Variants in PTPRA observed in about 807,000 individuals in gnomAD.
PTPRA encodes the protein protein tyrosine phosphatase receptor type A.
In PTPRA, 25 loss-of-function variants were observed where a neutral mutation model predicts 104.8. The ratio of observed to expected loss-of-function variants is 0.24; its 90% CI spans 0.17 to 0.33. The LOEUF (loss-of-function observed/expected upper bound fraction) is 0.33, where lower values mean the gene tolerates loss of function less well. PTPRA is among the 10% of genes least tolerant of loss of function. The probability of loss-of-function intolerance (pLI) is 1.00; values close to 1 mark genes in which losing one functional copy is unlikely to be tolerated. For missense variants in PTPRA, 765 were observed against 1,015.3 expected (o/e 0.75, Z 3.35); for synonymous variants, 323 against 368.9 (o/e 0.88, Z 1.43).
intron 1 of PTPRA, among the ~76,000 whole-genome samples, chr20:2,884,312 A>G (rs1266426009): frequency 6.6e-6 from 1 of 152,124 alleles, no homozygotes; most frequent in Non-Finnish European, 1.5e-5. Flanking sequence ...GGGGCTGTCA[A>G]ACTGTTTTGT....
intron 6 of PTPRA, among the ~76,000 whole-genome samples, chr20:2,982,307 T>C (rs1012163738): frequency 1.3e-5 from 2 of 152,128 alleles, no homozygotes; most frequent in Non-Finnish European, 2.9e-5. Flanking sequence ...CAGGCTGGTC[T>C]TGAACTCCTG....
chr20:2,986,363 C>T (rs1419712941), intron 6 of PTPRA, among the ~76,000 whole-genome samples: 3 of 152,218 alleles, frequency 2.0e-5, no homozygotes. Flanking sequence ...GCATACCTAA[C>T]TTGCCATCAG....
At chr20:3,021,734 C>A (rs1341202224) in intron 14 of PTPRA, among the ~76,000 whole-genome samples, 1 of 152,210 alleles carries the variant, frequency 6.6e-6, no homozygotes, top group African/African-American at 2.4e-5. Context: ...TCCTCCTTTC[C>A]TACTCCAAAG....
intron 2 of PTPRA, among the ~76,000 whole-genome samples, chr20:2,927,832 A>G (rs1375849140): frequency 6.6e-6 from 1 of 152,114 alleles, no homozygotes; most frequent in Non-Finnish European, 1.5e-5. Context: ...CAACACGGCA[A>G]AACCCTGTCT....
chr20:2,876,321 C>G (rs530314382), intron 1 of PTPRA, among the ~76,000 whole-genome samples: 1 of 152,262 alleles, frequency 6.6e-6, no homozygotes, highest in Non-Finnish European at 1.5e-5. Flanking sequence ...TACCCTGGCC[C>G]CAAGTCTCCT....
At position 3,024,498 on chromosome 20, in the gene PTPRA, C is replaced by G; in HGVS notation, c.1491C>G (p.Ala497=). 1 of 1,613,774 alleles carries G rather than the reference C, an allele frequency of 6.2e-7. No individual in the cohort carries two copies. ...TDMQYVFIYQ[A]LLEHYLYGDT... ...TGCAGTATGTCTTCATATACCAAGCCCTTCTGGAGCATTATCTCTATGGAG... is the reference window on the plus strand; with the variant it reads ...TGCAGTATGTCTTCATATACCAAGCGCTTCTGGAGCATTATCTCTATGGAG... Residue 497 remains alanine (A), a synonymous_variant, in exon 17 of 24, where the codon GCC becomes GCG. Transcript: ENST00000399903.
In PTPRA at chr20:2,950,888, CACA is replaced by C. The variant is rs1036870369; in HGVS notation, c.-7+2869_-7+2871del. Among the ~76,000 whole-genome samples, 6 of 151,956 alleles carry C rather than the reference CACA, an allele frequency of 3.9e-5. No homozygotes were observed. Among genetic ancestry groups the C allele is most frequent in the South Asian group, 4.1e-4 (2 of 4,830 alleles). The stretch of plus-strand genomic sequence containing the variant: ...CATGTATATAGCAGGGAAATATCAC[CACA>C]ACAAGAGTGTGAACATATAATCTCT... On this transcript the variant is annotated intron_variant, in intron 3 of 23. Transcript: ENST00000399903. The surrounding 1 kb of genome is among the most constrained non-coding windows in gnomAD (Gnocchi z 4.0).
intron 1 of PTPRA, among the ~76,000 whole-genome samples, chr20:2,921,502 T>C (rs2060095786): frequency 6.6e-6 from 1 of 152,100 alleles, no homozygotes; most frequent in African/African-American, 2.4e-5. Flanking sequence ...AATAGATGGT[T>C]GTTATGGAAT....
In PTPRA at chr20:3,030,826, C is replaced by T. The variant is rs563925102; in HGVS notation, c.1920+2985C>T. ...TCAGCCTCCCGAGTAGCTGGGATTACAGGCATGCACTACCATGCCCAGCTA... is the reference window on the plus strand; with the variant it reads ...TCAGCCTCCCGAGTAGCTGGGATTATAGGCATGCACTACCATGCCCAGCTA... On this transcript the variant is annotated intron_variant, in intron 20 of 23. Coordinates refer to ENST00000399903, the MANE Select transcript of PTPRA (RefSeq NM_001385305.1). 6.6e-5 allele frequency among the ~76,000 whole-genome samples: 10 copies of T among 151,996 alleles called. No homozygotes were observed. The East Asian group carries it at 1.9e-3, about 29-fold the overall frequency.
chr20:2,914,012 T>G (rs996674272), intron 1 of PTPRA, among the ~76,000 whole-genome samples: 7 of 152,208 alleles, frequency 4.6e-5, no homozygotes, highest in African/African-American at 1.7e-4. Flanking sequence ...TTCTTCCCAT[T>G]TATTTAACTT....
chr20:2,897,463 C>G (rs984722556), intron 1 of PTPRA, among the ~76,000 whole-genome samples: 1 of 147,504 alleles, frequency 6.8e-6, no homozygotes, highest in South Asian at 2.2e-4. Context: ...TCTCGTCTCA[C>G]TGCAACCTCT....
intron 11 of PTPRA, 93 bp from the exon 12 acceptor site, chr20:3,015,755 AG>A: frequency 9.8e-7 from 1 of 1,019,324 alleles, no homozygotes. Context: ...GCACATTTTC[AG>A]GTTTTGTTAA....
chr20:3,024,548 T>C lies in PTPRA; in HGVS notation c.1541T>C (p.Leu514Pro). 1 of 1,614,038 alleles carries C rather than the reference T, an allele frequency of 6.2e-7. No individual in the cohort carries two copies. The highest frequency in any genetic ancestry group is 8.5e-7 in the Non-Finnish European group (1 of 1,179,922). The change falls in exon 17 of 24, where the codon CTA (leucine) becomes CCA (proline). Residue 514 changes from leucine to proline, a missense_variant. Physicochemically the swap from Leu to Pro is moderately conservative, Grantham distance 98 (BLOSUM62 -3). Around this residue, in one of 4 missense-constraint regions of PTPRA, gnomAD observed 192 missense variants for 227.0 expected, o/e 0.85. Coordinates refer to ENST00000399903, the MANE Select transcript of PTPRA (RefSeq NM_001385305.1). ...GATACAGAACTGGAAGTGACCTCTC[T>C]AGAAACCCACCTGCAGAAAATTTAC... ...YGDTELEVTS[L>P]ETHLQKIYNK... is the part of the protein sequence containing the mutation.
intron 2 of PTPRA, among the ~76,000 whole-genome samples, chr20:2,945,146 T>G (rs2061078435): frequency 6.6e-6 from 1 of 152,238 alleles, no homozygotes; most frequent in Non-Finnish European, 1.5e-5. Flanking sequence ...TTACCTGTTC[T>G]TAAATTTATC....
chr20:2,866,615 T>G, the PTPRA span: 1 of 1,608,630 alleles, frequency 6.2e-7, no homozygotes, highest in African/African-American at 1.3e-5. Context: ...GTTCCTCCCC[T>G]AGCACCTGGG....
At chr20:3,033,296 G>C (rs886373362) in intron 20 of PTPRA, among the ~76,000 whole-genome samples, 1 of 151,850 alleles carries the variant, frequency 6.6e-6, no homozygotes, top group Non-Finnish European at 1.5e-5. Context: ...CTTCTGCCCA[G>C]TTGCTCATGT....
chr20:2,889,579 TA>T (rs2058718578), intron 1 of PTPRA, among the ~76,000 whole-genome samples: 1 of 152,244 alleles, frequency 6.6e-6, no homozygotes, highest in African/African-American at 2.4e-5. Flanking sequence ...AAAGTACTAC[TA>T]GTACCATGAG....
In PTPRA at chr20:3,027,731, A is replaced by G. The variant is rs1185420102; in HGVS notation, c.1810A>G (p.Ile604Val). The change falls in exon 20 of 24, where the codon ATC becomes GTC. Residue 604 changes from isoleucine to valine, a missense_variant. Physicochemically the swap from Ile to Val is conservative, Grantham distance 29. Transcript: ENST00000399903. ...GGGCTACCGGCAGAAGGACTCCTAT[A>G]TCGCCAGCCAGGGCCCTCTTCTCCA... ...IDGYRQKDSYIASQGPLLHTI... is the reference protein window; with the variant it reads ...IDGYRQKDSYVASQGPLLHTI... The G allele has an allele frequency of 8.7e-6, 14 of 1,613,896 alleles. No homozygotes were observed. Among genetic ancestry groups the G allele is most frequent in the Non-Finnish European group, 1.1e-5 (13 of 1,180,000 alleles).
chr20:2,897,279 T>C (rs1349684775), intron 1 of PTPRA, among the ~76,000 whole-genome samples: 1 of 152,224 alleles, frequency 6.6e-6, no homozygotes, highest in Non-Finnish European at 1.5e-5. Context: ...CTTGCTAGTT[T>C]TACCATCCAT....
Sources: gnomAD v4.1 joint callset for allele counts (sites outside exome capture counted in the v4.1 genomes callset) on GRCh38, gnomAD v4.1.1 for gene constraint, gnomAD v4.1.1 regional missense constraint, Gnocchi (gnomAD v3.1) non-coding constraint, MANE v1.5 for transcripts, NCBI Gene and HGNC (gene_info 2026-07-23, HGNC 2026-07-21) for gene names.